NLGN4X: variants seen among roughly 807,000 people sequenced by gnomAD.
NLGN4X encodes the protein neuroligin-4, X-linked.
NLGN4X carries 3 observed loss-of-function variants against 40.3 expected under a neutral mutation model. That is an observed-to-expected ratio of 0.07 (90% CI 0.03 to 0.19). NLGN4X has a LOEUF of 0.19. Among genes scored for constraint, NLGN4X ranks in the 10% least tolerant of loss-of-function variants. NLGN4X has a pLI of 1.00. For missense variants in NLGN4X, 382 were observed against 708.3 expected (o/e 0.54, Z 5.23); for synonymous variants, 270 against 306.8 (o/e 0.88, Z 1.25).
chrX:6,042,730 T>TATATATGTAC, intron 2 of NLGN4X, among the ~76,000 whole-genome samples: 1 of 20,149 alleles, frequency 5.0e-5, no homozygotes, highest in Non-Finnish European at 9.1e-5. Context: ...TATATATATA[T>TATATATGTAC]ACACACACAC....
intron 2 of NLGN4X, among the ~76,000 whole-genome samples, chrX:6,045,577 C>A (rs767488603): frequency 1.8e-5 from 2 of 111,339 alleles, no homozygotes; most frequent in South Asian, 7.4e-4. Flanking sequence ...GTCTCATTCA[C>A]AGTTGAAGGA....
chrX:5,893,610 C>A lies in NLGN4X; in HGVS notation c.1658G>T (p.Arg553Leu). 2 of 1,210,973 alleles carry A rather than the reference C, an allele frequency of 1.7e-6. No homozygotes were observed. The highest frequency in any genetic ancestry group is 2.2e-6 in the Non-Finnish European group (2 of 895,320). ...DTKFIHTKPN[R>L]FEEVAWSKYN... ...CTTGGACCAGGCCACTTCTTCAAAG[C>A]GGTTGGGTTTTGTGTGAATGAACTT... Residue 553 changes from arginine (R) to leucine (L), a missense_variant, in exon 6 of 6, where the codon CGC (arginine) becomes CTC (leucine). Arg to Leu is a moderately radical substitution (Grantham distance 102). This residue lies in a region of NLGN4X where 149 missense variants were observed against 375.8 expected (regional missense o/e 0.40). Transcript: ENST00000381095.
intron 2 of NLGN4X, among the ~76,000 whole-genome samples, chrX:6,072,013 G>A (rs1314520356): frequency 1.8e-5 from 2 of 110,591 alleles, no homozygotes; most frequent in African/African-American, 6.6e-5. Flanking sequence ...CAGCAAGCTC[G>A]GGTTCTTTTT....
intron 1 of NLGN4X, chrX:6,227,644 T>G (rs765720150): frequency 4.5e-4 from 50 of 110,639 alleles, no homozygotes; most frequent in African/African-American, 1.6e-3. Flanking sequence ...GGGAAAGGGG[T>G]GCATGGAGCC....
At chrX:6,164,494 G>T (rs751925179) in intron 1 of NLGN4X, among the ~76,000 whole-genome samples, 11 of 112,221 alleles carry the variant, frequency 9.8e-5, no homozygotes, top group Non-Finnish European at 2.1e-4. Context: ...ACCCTCAACT[G>T]GCAGTGGGTC....
intron 1 of NLGN4X, among the ~76,000 whole-genome samples, chrX:6,209,415 C>T (rs1202302297): frequency 5.4e-5 from 6 of 111,016 alleles, no homozygotes; most frequent in South Asian, 7.7e-4. Flanking sequence ...GTGTATACAA[C>T]GGGCACCTAG....
chrX:5,990,640 A>AT (rs759410619), intron 3 of NLGN4X, among the ~76,000 whole-genome samples: 1 of 111,513 alleles, frequency 9.0e-6, no homozygotes, highest in Non-Finnish European at 1.9e-5. Context: ...TATTCAACTA[A>AT]TTTTTTTTGT....
At chrX:6,116,692 G>A (rs965107372) in intron 2 of NLGN4X, among the ~76,000 whole-genome samples, 2 of 108,559 alleles carry the variant, frequency 1.8e-5, no homozygotes, top group African/African-American at 6.8e-5. Context: ...ACCATGCCCG[G>A]CTAATTTTTA....
rs995004373 is a variant in NLGN4X, at chrX:6,146,850, G to A, written c.472+4145C>T. ...TGCCCAGGCTGGAGTGCAGTGGTGC[G>A]ATCTCGGCTCACTGCAACCTCCCTC... On this transcript the variant is annotated intron_variant, in intron 2 of 5. Coordinates refer to ENST00000381095, the MANE Select transcript of NLGN4X (RefSeq NM_181332.3). 1.9e-4 allele frequency among the ~76,000 whole-genome samples: 21 copies of A among 110,913 alleles called. 1 individual carries two copies. Among genetic ancestry groups the A allele is most frequent in the Non-Finnish European group, 7.6e-5 (4 of 52,930 alleles).
At position 5,962,927 on chromosome X, in the gene NLGN4X, AC is replaced by A. The variant is rs201841953; in HGVS notation, c.626-53689del. Among the ~76,000 whole-genome samples, 787 of 85,973 alleles carry A rather than the reference AC, an allele frequency of 9.2e-3. 11 individuals are homozygous for A. The highest frequency in any genetic ancestry group is 0.08 in the East Asian group (177 of 2,212). The allele number at this position is 85,973 out of a possible 115,157, so 74.7% of individuals were successfully genotyped here. A position where few individuals can be genotyped will look rare whatever the true frequency, so the allele number is the denominator to read the frequency against. ...GAGAAATAAATGTCTGTTGTTTATT[AC>A]CCCCCCCCACCCCCACCCCCAGACT... On this transcript the variant is annotated intron_variant, in intron 3 of 5. Coordinates refer to ENST00000381095, the MANE Select transcript of NLGN4X (RefSeq NM_181332.3).
chrX:5,966,477 T>A (rs190303914), intron 3 of NLGN4X, among the ~76,000 whole-genome samples: 16 of 112,874 alleles, frequency 1.4e-4, no homozygotes, highest in Admixed American at 1.4e-3. Context: ...TGATTTGTAT[T>A]ACATAGTCTG....
chrX:6,208,288 T>C (rs778866907), intron 1 of NLGN4X, among the ~76,000 whole-genome samples: 2 of 112,563 alleles, frequency 1.8e-5, no homozygotes, highest in African/African-American at 6.5e-5. Flanking sequence ...CATTTCGTTC[T>C]GCACTTTGTT....
chrX:6,058,832 A>G (rs781597564), intron 2 of NLGN4X, among the ~76,000 whole-genome samples: 1 of 112,278 alleles, frequency 8.9e-6, no homozygotes, highest in South Asian at 3.7e-4. Context: ...AAAACACTTA[A>G]GTGACAATAT....
intron 2 of NLGN4X, among the ~76,000 whole-genome samples, chrX:6,121,953 G>A (rs1322743237): frequency 8.9e-6 from 1 of 112,472 alleles, no homozygotes; most frequent in Non-Finnish European, 1.9e-5. Flanking sequence ...CACATTCCAA[G>A]GATTTCTGGT....
intron 1 of NLGN4X, among the ~76,000 whole-genome samples, chrX:6,195,552 A>G (rs940019863): frequency 8.9e-6 from 1 of 112,635 alleles, no homozygotes; most frequent in Non-Finnish European, 1.9e-5. Flanking sequence ...ATGAGTGTGC[A>G]TATAGTAAAT....
chrX:6,032,223 C>A (rs2036878946), intron 2 of NLGN4X, among the ~76,000 whole-genome samples: 1 of 19,067 alleles, frequency 5.2e-5, no homozygotes, highest in African/African-American at 1.5e-4. Context: ...ACTGATATTT[C>A]AGCCCCCCCC....
intron 2 of NLGN4X, among the ~76,000 whole-genome samples, chrX:6,058,281 C>G (rs1272656645): frequency 9.0e-6 from 1 of 111,380 alleles, no homozygotes; most frequent in African/African-American, 3.3e-5. Flanking sequence ...AAATTTTTAA[C>G]AGTAACCATT....
At chrX:5,905,364 G>A (rs2032118908) in intron 4 of NLGN4X, among the ~76,000 whole-genome samples, 1 of 111,166 alleles carries the variant, frequency 9.0e-6, no homozygotes, top group Non-Finnish European at 1.9e-5. Flanking sequence ...AGTATGCTAG[G>A]AGTTCACATA....
intron 5 of NLGN4X, among the ~76,000 whole-genome samples, chrX:5,901,668 G>C (rs2031873518): frequency 9.1e-6 from 1 of 110,150 alleles, no homozygotes. Flanking sequence ...GTGTGTTTGT[G>C]TGTGTGTGTT....
Sources: allele counts gnomAD v4.1 joint callset (sites outside exome capture counted in the v4.1 genomes callset), GRCh38; gene constraint gnomAD v4.1.1; regional missense constraint gnomAD v4.1.1; transcripts MANE v1.5; gene names NCBI Gene and HGNC (gene_info 2026-07-23, HGNC 2026-07-21).